The following TNRC18 variants were observed in gnomAD, a reference collection of about 807,000 sequenced individuals.
The protein encoded by TNRC18 is trinucleotide repeat-containing gene 18 protein.
A neutral mutation model predicts 226.7 loss-of-function variants in TNRC18; 69 were observed. The observed-to-expected ratio is 0.30, with a 90% CI of 0.25 to 0.37. TNRC18 has a LOEUF of 0.37. Among genes scored for constraint, TNRC18 ranks in the 10% least tolerant of loss-of-function variants. TNRC18 has a pLI of 1.00. For missense variants in TNRC18, 4,754 were observed against 4,256.6 expected, an observed-to-expected ratio of 1.12 and a Z score of -3.25; for synonymous variants, 2,449 against 1,927.6, an observed-to-expected ratio of 1.27 and a Z score of -7.09.
In TNRC18 at chr7:5,312,929, A is replaced by AGAG. The variant is rs764497304; in HGVS notation, c.7959_7961dup (p.Ser2671dup). 8.4e-6 allele frequency: 12 copies of AGAG among 1,422,564 alleles called. No individual in the cohort carries two copies. Among genetic ancestry groups the AGAG allele is most frequent in the African/African-American group, 4.4e-5 (3 of 67,884 alleles). 88.1% of individuals were successfully genotyped at this position (1,422,564 alleles called of 1,614,324 possible). A position where few individuals can be genotyped will look rare whatever the true frequency, so the allele number is the denominator to read the frequency against. ...AGGAGGAGGAGGATGAGGACGAGGAAGAGGAGGAGGAGGAAGAGGAGGAAG... is the reference window on the plus strand; with the variant it reads ...AGGAGGAGGAGGATGAGGACGAGGAAGAGGAGGAGGAGGAGGAAGAGGAGGAAG... On this transcript the variant is annotated inframe_insertion, in exon 27 of 30. Coordinates refer to ENST00000430969, the MANE Select transcript of TNRC18 (RefSeq NM_001080495.3). This position sits in a 1 kb window ranked among gnomAD's most constrained non-coding sequence, Gnocchi z 6.3.
chr7:5,389,209 T>A lies in TNRC18; in HGVS notation c.615A>T (p.Pro205=), dbSNP rs1486220556. ...PAKGSSSRDG[P]AKERAGRGGE... ...CGCCGCGGCCCGCCCGCTCCTTGGC[T>A]GGACCGTCCCGCGACGACGAGCCTT... is the stretch of plus-strand genomic sequence containing the variant. The change falls in exon 5 of 30, where the codon CCA becomes CCT. Residue 205 remains proline, a synonymous_variant. Coordinates refer to ENST00000430969, the MANE Select transcript of TNRC18 (RefSeq NM_001080495.3). The A allele has an allele frequency of 7.4e-7, 1 of 1,342,624 alleles. No homozygotes were observed. The highest frequency in any genetic ancestry group is 1.5e-5 in the African/African-American group (1 of 64,520). The allele number at this position is 1,342,624 out of a possible 1,614,324, so 83.2% of individuals were successfully genotyped here.
intron 11 of TNRC18, among the ~76,000 whole-genome samples, chr7:5,363,144 A>C (rs890936692): frequency 1.3e-5 from 2 of 152,134 alleles, no homozygotes; most frequent in Non-Finnish European, 1.5e-5. Flanking sequence ...TCTACTAAAA[A>C]TAACAAAAAC....
chr7:5,351,914 G>A lies in TNRC18; in HGVS notation c.5375C>T (p.Pro1792Leu), dbSNP rs376800466. The A allele has an allele frequency of 6.1e-5, 99 of 1,613,594 alleles. No homozygotes were observed. The African/African-American group carries it at 7.3e-4, about 12-fold the overall frequency. The change falls in exon 17 of 30, where the codon CCG becomes CTG. Residue 1792 changes from proline (P) to leucine (L), a missense_variant. Pro to Leu is a moderately conservative substitution (Grantham distance 98, BLOSUM62 -3). Transcript: ENST00000430969. ...LAAPRTLKPK[P>L]ATSRKQPFCL... is the part of the protein sequence containing the mutation. ...AAACGGCTGCTTCCTGCTGGTGGCC[G>A]GCTTGGGTTTCAGAGTCCGGGGGGC...
Position 5,394,465 on chromosome 7 carries a change from C to G in TNRC18, c.318G>C (p.Gln106His). The G allele has an allele frequency of 6.4e-7, 1 of 1,555,498 alleles. No individual in the cohort carries two copies. Among genetic ancestry groups the G allele is most frequent in the South Asian group, 1.2e-5 (1 of 84,220 alleles). Residue 106 changes from glutamine to histidine, a missense_variant, in exon 3 of 30, where the codon CAG becomes CAC. By Grantham distance (24) the Gln-to-His change is conservative (BLOSUM62 0). Coordinates refer to ENST00000430969, the MANE Select transcript of TNRC18 (RefSeq NM_001080495.3). This position sits in a 1 kb window ranked among gnomAD's most constrained non-coding sequence, Gnocchi z 4.5. ...CTTCATGGGCGTGGGCGGCCCACAG[C>G]TGCACCATGGGCAGGTTGCTAGGGG... is the stretch of plus-strand genomic sequence containing the variant. ...SPTPSNLPMV[Q>H]LWAAHAHEGF...
At position 5,421,289 on chromosome 7, in the gene TNRC18, G is replaced by A. The variant is rs943332137; in HGVS notation, c.-43C>T. On this transcript the variant is annotated 5_prime_UTR_variant, in exon 2 of 30. Transcript: ENST00000430969. ...CGATCAGCCCCCCACCCGGCCCGCA[G>A]GCCTAGCTCAGTGGGACCTAAAAGT... 2.0e-5 allele frequency: 25 copies of A among 1,253,624 alleles called. No homozygotes were observed. Among genetic ancestry groups the A allele is most frequent in the East Asian group, 1.9e-4 (6 of 31,426 alleles). The allele number at this position is 1,253,624 out of a possible 1,614,324, so 77.7% of individuals were successfully genotyped here. A position where few individuals can be genotyped will look rare whatever the true frequency, so the allele number is the denominator to read the frequency against.
rs755991746 is a variant in TNRC18 at position 5,388,371 on chromosome 7, G to A, written c.1453C>T (p.Pro485Ser). Residue 485 changes from proline to serine, a missense_variant, in exon 5 of 30, where the codon CCT becomes TCT. Transcript: ENST00000430969. Reference protein sequence around the residue: ...CERAPRGPAGPAAQQAAKLFG... With the variant: ...CERAPRGPAGSAAQQAAKLFG... ...AGCTTGGCGGCCTGTTGGGCTGCAGGACCGGCTGGGCCGCGGGGCGCACGC... is the reference window on the plus strand; with the variant it reads ...AGCTTGGCGGCCTGTTGGGCTGCAGAACCGGCTGGGCCGCGGGGCGCACGC... 7 of 1,551,946 alleles carry A rather than the reference G, an allele frequency of 4.5e-6. No individual in the cohort carries two copies. Among genetic ancestry groups the A allele is most frequent in the Non-Finnish European group, 6.1e-6 (7 of 1,153,374 alleles).
rs1787006996 is a variant in TNRC18, at chr7:5,309,944, G to C, written c.8389-576C>G. Among the ~76,000 whole-genome samples, 1 of 151,978 alleles carries C rather than the reference G, an allele frequency of 6.6e-6. No homozygotes were observed. Among genetic ancestry groups the C allele is most frequent in the Admixed American group, 6.6e-5 (1 of 15,258 alleles). Reference sequence around the variant, plus strand: ...TTACTTTTTTCAGAGAAAGGGTCTTGCTCTGTCACCCAGGCAGGACTGCAG... The same window carrying C: ...TTACTTTTTTCAGAGAAAGGGTCTTCCTCTGTCACCCAGGCAGGACTGCAG... On this transcript the variant is annotated intron_variant, in intron 27 of 29. Transcript: ENST00000430969. This position sits in a 1 kb window ranked among gnomAD's most constrained non-coding sequence, Gnocchi z 5.7.
chr7:5,420,052 G>A (rs1012004015), intron 2 of TNRC18: 6 of 208,412 alleles, frequency 2.9e-5, no homozygotes, highest in South Asian at 5.5e-5. Flanking sequence ...GGGAAGGAGG[G>A]ACCAGGTGTC....
chr7:5,325,424 T>G lies in TNRC18; in HGVS notation c.6148-176A>C, dbSNP rs1583777517. 5.2e-5 allele frequency: 35 copies of G among 670,588 alleles called. No individual in the cohort carries two copies. In the East Asian group the frequency reaches 9.4e-4, roughly 18 times the overall value. 41.5% of individuals were successfully genotyped at this position (670,588 alleles called of 1,614,324 possible). A position where few individuals can be genotyped will look rare whatever the true frequency, so the allele number is the denominator to read the frequency against. On this transcript the variant is annotated intron_variant, in intron 19 of 29. Transcript: ENST00000430969. ...CAAGCGTTTTTGGTTTTGGGTTTTT[T>G]TTTGTTTTTTTTTTTTTGAGACGGA...
chr7:5,369,653 G>C (rs1429510518), intron 11 of TNRC18, among the ~76,000 whole-genome samples: 1 of 152,026 alleles, frequency 6.6e-6, no homozygotes, highest in Non-Finnish European at 1.5e-5. Context: ...AGAAAGACTT[G>C]GTTTCTTGGC....
chr7:5,308,794 G>C, intron 29 of TNRC18, 81 bp downstream of exon 29: 1 of 1,468,112 alleles, frequency 6.8e-7, no homozygotes, highest in African/African-American at 1.4e-5. Flanking sequence ...AGCAGCAGAT[G>C]CTGAGCCGGG....
intron 18 of TNRC18, among the ~76,000 whole-genome samples, chr7:5,336,852 AGTTTATGAGTTTGGGT>A (rs1583820829): frequency 6.6e-6 from 1 of 152,372 alleles, no homozygotes; most frequent in Non-Finnish European, 1.5e-5. Context: ...TAAGCGAGTG[AGTTTATGAGTTTGGGT>A]GTGGGGGAAC....
At chr7:5,325,042 C>G (rs555678746) in intron 20 of TNRC18, 54 bp downstream of exon 20, 40 of 1,540,890 alleles carry the variant, frequency 2.6e-5, no homozygotes, top group Middle Eastern at 2.3e-4. Context: ...GCCCTGACCA[C>G]AGGAGCATGG....
chr7:5,348,023 C>CT (rs914224781), intron 17 of TNRC18, among the ~76,000 whole-genome samples: 2 of 152,192 alleles, frequency 1.3e-5, no homozygotes, highest in African/African-American at 4.8e-5. Flanking sequence ...TGGTCGGTGA[C>CT]TTAAGATGAG....
intron 18 of TNRC18, among the ~76,000 whole-genome samples, chr7:5,344,835 G>C (rs943616854): frequency 6.6e-6 from 1 of 152,180 alleles, no homozygotes; most frequent in African/African-American, 2.4e-5. Context: ...GAACAGGGAG[G>C]GCCCACGAGA....
Position 5,421,381 on chromosome 7 carries a change from G to T in TNRC18, c.-135C>A. The T allele has an allele frequency of 2.4e-6, 2 of 851,032 alleles. No individual in the cohort carries two copies. The highest frequency in any genetic ancestry group is 3.0e-6 in the Non-Finnish European group (2 of 663,550). 52.7% of individuals were successfully genotyped at this position (851,032 alleles called of 1,614,324 possible). ...TCCGCGGCGTGCATGGCGGCGGCCA[G>T]CGGGGCTTGCGCTCGGCGGCGGGCC... On this transcript the variant is annotated 5_prime_UTR_variant, in exon 2 of 30. It adds an upstream start codon to the 5' untranslated region. Coordinates refer to ENST00000430969, the MANE Select transcript of TNRC18 (RefSeq NM_001080495.3).
chr7:5,310,813 G>A (rs916136194), intron 27 of TNRC18, among the ~76,000 whole-genome samples: 1 of 152,248 alleles, frequency 6.6e-6, no homozygotes, highest in African/African-American at 2.4e-5. Context: ...CACGTTGGGG[G>A]CTCCCTGCCA....
intron 27 of TNRC18, among the ~76,000 whole-genome samples, chr7:5,311,782 C>T (rs1787235845): frequency 1.3e-5 from 2 of 151,620 alleles, no homozygotes; most frequent in East Asian, 1.9e-4. Flanking sequence ...GGCACCGCTG[C>T]ACTCCAGCCT....
rs1404977666 is a variant in TNRC18 at position 5,324,353 on chromosome 7, G to A, written c.6303C>T (p.Asn2101=). The change falls in exon 21 of 30, where the codon AAC becomes AAT. Residue 2101 remains asparagine, a splice_region_variant and synonymous_variant. Coordinates refer to ENST00000430969, the MANE Select transcript of TNRC18 (RefSeq NM_001080495.3). The surrounding 1 kb of genome is among the most constrained non-coding windows in gnomAD (Gnocchi z 4.8). ...TGCTCACGGCACCCCCCTTGCCGCG[G>A]TTCTGGGGACAGAACATGGCCGACA... The part of the protein sequence containing the change: ...KAKGKEVKKE[N]RGKGGAVSKL... 2 of 1,613,344 alleles carry A rather than the reference G, an allele frequency of 1.2e-6. No individual in the cohort carries two copies. The highest frequency in any genetic ancestry group is 1.7e-6 in the Non-Finnish European group (2 of 1,179,712).
Sources: allele counts gnomAD v4.1 joint callset (sites outside exome capture counted in the v4.1 genomes callset), GRCh38; gene constraint gnomAD v4.1.1; non-coding constraint Gnocchi (gnomAD v3.1); transcripts MANE v1.5; gene names NCBI Gene and HGNC (gene_info 2026-07-23, HGNC 2026-07-21).